Variants in ZNF398 observed in about 807,000 individuals in gnomAD.
ZNF398 encodes zinc finger DNA binding protein ZER6.
ZNF398 carries 18 observed loss-of-function variants against 41.9 expected under a neutral mutation model. The ratio of observed to expected loss-of-function variants is 0.43; its 90% CI spans 0.30 to 0.64. The LOEUF (loss-of-function observed/expected upper bound fraction) is 0.64, where lower values mean the gene tolerates loss of function less well. Ranked by LOEUF, ZNF398 falls within the 30% of genes least tolerant of loss-of-function variation. The probability of loss-of-function intolerance (pLI) is 0.14; values close to 1 mark genes in which losing one functional copy is unlikely to be tolerated. For missense variants in ZNF398, 669 were observed against 822.8 expected, an observed-to-expected ratio of 0.81 and a Z score of 2.29; for synonymous variants, 260 against 308.8, an observed-to-expected ratio of 0.84 and a Z score of 1.66.
exon 1 of ZNF398, chr7:149,126,589 GGA>G: frequency 5.6e-6 from 2 of 356,242 alleles, no homozygotes; most frequent in South Asian, 6.9e-5. Flanking sequence ...GCAGGAACAG[GGA>G]GAGAGTAGGG....
intron 2 of ZNF398, among the ~76,000 whole-genome samples, chr7:149,131,555 G>A (rs747388499): frequency 1.9e-4 from 29 of 152,158 alleles, no homozygotes; most frequent in African/African-American, 5.5e-4. Context: ...GTGTGGTGGC[G>A]GACGCCTGTA....
rs527415150 is a variant in ZNF398 at position 149,163,134 on chromosome 7, T to A, written c.421-3024T>A. On this transcript the variant is annotated intron_variant, in intron 2 of 5. Transcript: ENST00000475153. ...GTCCCAGTAGGCCAAAAATGTCACG[T>A]AAACTGTAGGTTAAATGCTCGGAAA... 2.2e-4 allele frequency among the ~76,000 whole-genome samples: 33 copies of A among 152,326 alleles called. 2 individuals are homozygous for A. In the South Asian group the frequency reaches 6.2e-3, roughly 29 times the overall value.
At position 149,179,445 on chromosome 7, in the gene ZNF398, C is replaced by A; in HGVS notation, c.1573C>A (p.His525Asn). 1.2e-6 allele frequency: 2 copies of A among 1,614,050 alleles called. No homozygotes were observed. The highest frequency in any genetic ancestry group is 1.7e-6 in the Non-Finnish European group (2 of 1,180,042). ...DCSKSFMRKE[H>N]LLNHRRLHTG... is the part of the protein sequence containing the mutation. ...CAGTAAGAGCTTCATGCGCAAGGAGCACCTGCTGAACCACCGGCGGCTGCA... is the reference window on the plus strand; with the variant it reads ...CAGTAAGAGCTTCATGCGCAAGGAGAACCTGCTGAACCACCGGCGGCTGCA... The change falls in exon 6 of 6, where the codon CAC becomes AAC. Residue 525 changes from histidine (H) to asparagine (N), a missense_variant. Coordinates refer to ENST00000475153, the MANE Select transcript of ZNF398 (RefSeq NM_170686.3). The surrounding 1 kb of genome is among the most constrained non-coding windows in gnomAD (Gnocchi z 6.1).
At chr7:149,160,754 C>T (rs1795091546) in intron 2 of ZNF398, among the ~76,000 whole-genome samples, 1 of 152,190 alleles carries the variant, frequency 6.6e-6, no homozygotes, top group Admixed American at 6.5e-5. Context: ...AACTCTGAGT[C>T]CTCCACCCTC....
chr7:149,157,003 A>T (rs1197310353), intron 2 of ZNF398, among the ~76,000 whole-genome samples: 1 of 152,158 alleles, frequency 6.6e-6, no homozygotes. Flanking sequence ...AATATAAATA[A>T]CAAAGTTGTG....
At chr7:149,141,654 C>T (rs1386670765) in intron 2 of ZNF398, among the ~76,000 whole-genome samples, 2 of 151,926 alleles carry the variant, frequency 1.3e-5, no homozygotes, top group Non-Finnish European at 2.9e-5. Context: ...CGGGGTTTCA[C>T]CGTGTTAGCC....
chr7:149,149,764 G>A (rs1036272750), intron 1 of ZNF398, among the ~76,000 whole-genome samples: 5 of 152,212 alleles, frequency 3.3e-5, no homozygotes, highest in Admixed American at 2.0e-4. Flanking sequence ...TTTGAGCCAG[G>A]GAGGTGGAGG....
rs751184649 is a variant in ZNF398, at chr7:149,178,871, C to T, written c.999C>T (p.Pro333=). 6.2e-7 allele frequency: 1 copy of T among 1,614,072 alleles called. No homozygotes were observed. The highest frequency in any genetic ancestry group is 1.7e-5 in the Admixed American group (1 of 60,012). ...CTTTTACTCAGTTGGGTAGCTATCC[C>T]CTCCCACCTCCAGTTGGCGAGCAGG... ...QVTFTQLGSY[P]LPPPVGEQVF... is the part of the protein sequence containing the mutation. The change falls in exon 6 of 6, where the codon CCC becomes CCT. Residue 333 remains proline, a synonymous_variant. Coordinates refer to ENST00000475153, the MANE Select transcript of ZNF398 (RefSeq NM_170686.3).
intron 1 of ZNF398, among the ~76,000 whole-genome samples, chr7:149,153,107 C>T (rs1794890017): frequency 6.6e-6 from 1 of 152,056 alleles, no homozygotes; most frequent in African/African-American, 2.4e-5. Flanking sequence ...GATCTGCCCA[C>T]CTCGGCCTCC....
intron 2 of ZNF398, among the ~76,000 whole-genome samples, chr7:149,161,547 AGAGT>A (rs1166774521): frequency 6.6e-6 from 1 of 152,218 alleles, no homozygotes; most frequent in African/African-American, 2.4e-5. Flanking sequence ...TTTGGATGAC[AGAGT>A]GAGACCCTGT....
chr7:149,164,442 A>G (rs1795182940), intron 2 of ZNF398, among the ~76,000 whole-genome samples: 1 of 152,076 alleles, frequency 6.6e-6, no homozygotes, highest in Non-Finnish European at 1.5e-5. Context: ...AAGAGAAAGA[A>G]AGAAATACAC....
At chr7:149,145,720 A>G (rs1446700360), upstream of ZNF398, among the ~76,000 whole-genome samples, 1 of 152,006 alleles carries the variant, frequency 6.6e-6, no homozygotes, top group Non-Finnish European at 1.5e-5. Flanking sequence ...TACCCTTACA[A>G]ACTCTAACCC....
chr7:149,150,226 TG>T (rs1311786515), intron 1 of ZNF398, among the ~76,000 whole-genome samples: 1 of 152,140 alleles, frequency 6.6e-6, no homozygotes, highest in Non-Finnish European at 1.5e-5. Context: ...CAAGAGGACA[TG>T]TCATCTTCTG....
intron 2 of ZNF398, among the ~76,000 whole-genome samples, chr7:149,136,600 C>T (rs1472927393): frequency 1.3e-5 from 2 of 151,990 alleles, no homozygotes; most frequent in Non-Finnish European, 2.9e-5. Flanking sequence ...TGGAGTCTTA[C>T]ACTGTCACCC....
chr7:149,153,090 C>T (rs1293382818), intron 1 of ZNF398, among the ~76,000 whole-genome samples: 2 of 151,904 alleles, frequency 1.3e-5, no homozygotes, highest in Admixed American at 6.6e-5. Flanking sequence ...CACTCCCAAG[C>T]TCAGGTGATC....
rs1795551592 is a variant in ZNF398 at position 149,179,734 on chromosome 7, G to A, written c.1862G>A (p.Gly621Asp). The change falls in exon 6 of 6, where the codon GGT (glycine) becomes GAT (aspartate). Residue 621 changes from glycine to aspartate, a missense_variant. Gly to Asp is a moderately conservative substitution (Grantham distance 94). This residue lies in a region of ZNF398 where 210 missense variants were observed against 290.4 expected (regional missense o/e 0.72). Transcript: ENST00000475153. This position sits in a 1 kb window ranked among gnomAD's most constrained non-coding sequence, Gnocchi z 6.1. ...ACTGGGCTTGAAACTTCTGGCCTGG[G>A]TGTCAACACTGAAGGTCTAGAGACC... is the stretch of plus-strand genomic sequence containing the variant. ...LITGLETSGL[G>D]VNTEGLETNQ... is the part of the protein sequence containing the mutation. 7.4e-6 allele frequency: 12 copies of A among 1,613,608 alleles called. No homozygotes were observed. Among genetic ancestry groups the A allele is most frequent in the Non-Finnish European group, 1.0e-5 (12 of 1,179,708 alleles).
At chr7:149,174,439 C>A (rs1563166033) in intron 4 of ZNF398, among the ~76,000 whole-genome samples, 3 of 151,922 alleles carry the variant, frequency 2.0e-5, no homozygotes, top group African/African-American at 7.3e-5. Context: ...CTGCCCACCT[C>A]AGCCTCCCAA....
rs549061062 is a variant in ZNF398, at chr7:149,148,537, A to G, written c.24+771A>G. ...ACTGGGTCAGGAGCCACCCTGGCAC[A>G]TGAGGGGTGACTGGGAAAAGGAGGA... On this transcript the variant is annotated intron_variant, in intron 1 of 5. Coordinates refer to ENST00000475153, the MANE Select transcript of ZNF398 (RefSeq NM_170686.3). 347 of 952,340 alleles carry G rather than the reference A, an allele frequency of 3.6e-4. 3 individuals carry two copies. In the South Asian group the frequency reaches 0.015, roughly 42 times the overall value. The allele number at this position is 952,340 out of a possible 1,614,324, so 59.0% of individuals were successfully genotyped here.
At chr7:149,142,528 G>A (rs528462095), upstream of ZNF398, among the ~76,000 whole-genome samples, 117 of 152,294 alleles carry the variant, frequency 7.7e-4, no homozygotes, top group Middle Eastern at 6.8e-3. Flanking sequence ...TTAGCCGGGC[G>A]TGGTGGCAGG....
Sources: allele counts gnomAD v4.1 joint callset (sites outside exome capture counted in the v4.1 genomes callset), GRCh38; gene constraint gnomAD v4.1.1; regional missense constraint gnomAD v4.1.1; non-coding constraint Gnocchi (gnomAD v3.1); transcripts MANE v1.5; gene names NCBI Gene and HGNC (gene_info 2026-07-23, HGNC 2026-07-21).